Variants in NTRK2 observed in about 807,000 individuals in gnomAD.
NTRK2 encodes neurotrophic receptor tyrosine kinase 2.
A neutral mutation model predicts 94.5 loss-of-function variants in NTRK2; 13 were observed. The observed-to-expected ratio is 0.14, with a 90% confidence interval of 0.09 to 0.22. The LOEUF (loss-of-function observed/expected upper bound fraction) is 0.22. Ranked by LOEUF, NTRK2 falls within the 10% of genes least tolerant of loss-of-function variation. The pLI, the probability that NTRK2 is intolerant of heterozygous loss-of-function variation, is 1.00. For synonymous variants in NTRK2, 372 were observed against 407.4 expected, an observed-to-expected ratio of 0.91 and a Z score of 1.05; for missense variants, 639 against 1,071.2, an observed-to-expected ratio of 0.60 and a Z score of 5.63.
chr9:84,944,940 C>G (rs1256290756), intron 15 of NTRK2, among the ~76,000 whole-genome samples: 1 of 152,212 alleles, frequency 6.6e-6, no homozygotes, highest in Non-Finnish European at 1.5e-5. Flanking sequence ...GTTATCCTCA[C>G]TCTCAAAGAA....
chr9:84,752,475 A>G (rs2064720171), intron 12 of NTRK2, among the ~76,000 whole-genome samples: 1 of 152,206 alleles, frequency 6.6e-6, no homozygotes, highest in South Asian at 2.1e-4. Context: ...TGATTCCCAA[A>G]TCTTCAGTGG....
chr9:84,938,261 T>A (rs1445378161), intron 15 of NTRK2, among the ~76,000 whole-genome samples: 1 of 152,230 alleles, frequency 6.6e-6, no homozygotes, highest in Non-Finnish European at 1.5e-5. Context: ...ATGATGTTTT[T>A]CTCCACCAAG....
intron 17 of NTRK2, among the ~76,000 whole-genome samples, chr9:84,978,928 A>G (rs989005335): frequency 4.6e-5 from 7 of 152,248 alleles, no homozygotes; most frequent in Admixed American, 4.6e-4. Flanking sequence ...ACATCTGTTT[A>G]CACCATGGTT....
chr9:84,872,110 C>T, intron 14 of NTRK2: 1 of 1,312,648 alleles, frequency 7.6e-7, no homozygotes, highest in Non-Finnish European at 9.8e-7. Context: ...AACATCAAGT[C>T]TGGAGTTGGT....
At chr9:84,815,250 C>A in intron 12 of NTRK2, 1 of 1,055,224 alleles carries the variant, frequency 9.5e-7, no homozygotes, top group East Asian at 5.3e-5. Flanking sequence ...TGAGTGAGCA[C>A]CCAGAATGTG....
At chr9:84,702,517 T>G in intron 4 of NTRK2, 98 bp downstream of exon 4, 3 of 1,032,808 alleles carry the variant, frequency 2.9e-6, no homozygotes, top group Non-Finnish European at 4.6e-6. Context: ...AAACCTCCCT[T>G]TTTAAAGTTA....
chr9:84,722,604 G>C (rs1331394465), intron 6 of NTRK2, among the ~76,000 whole-genome samples: 1 of 152,012 alleles, frequency 6.6e-6, no homozygotes, highest in Non-Finnish European at 1.5e-5. Flanking sequence ...CACCAAGAGA[G>C]GGACAGGCTC....
chr9:84,941,891 A>G (rs2078422479), intron 15 of NTRK2, among the ~76,000 whole-genome samples: 1 of 152,254 alleles, frequency 6.6e-6, no homozygotes. Context: ...AGTTTAAAGT[A>G]TGTGAATCAG....
In NTRK2 at chr9:84,910,499, C is replaced by T. The variant is rs1564456206; in HGVS notation, c.1634-23663C>T. 2.6e-5 allele frequency among the ~76,000 whole-genome samples: 4 copies of T among 152,184 alleles called. No homozygotes were observed. In the South Asian group the frequency reaches 6.2e-4, roughly 24 times the overall value. On this transcript the variant is annotated intron_variant, in intron 14 of 18. Transcript: ENST00000277120. ...CTTTCCTGTCCCATCTAAGGATGCT[C>T]GTCATTGGATTTAAGGCCTACTCTA...
At chr9:85,001,893 G>C (rs533884843) in intron 17 of NTRK2, among the ~76,000 whole-genome samples, 1 of 152,198 alleles carries the variant, frequency 6.6e-6, no homozygotes, top group Non-Finnish European at 1.5e-5. Flanking sequence ...TCTGAATAGG[G>C]CAGGGAGGGG....
rs1832814597 is a variant in NTRK2 at position 85,022,120 on chromosome 9, G to C, written c.*683G>C. On this transcript the variant is annotated 3_prime_UTR_variant, in exon 19 of 19. Transcript: ENST00000277120. ...AGATTTATTATGAACCGCAATATGG[G>C]AGGAACAAAGACAACCACTGGGATC... 1 of 233,404 alleles carries C rather than the reference G, an allele frequency of 4.3e-6. No homozygotes were observed. Among genetic ancestry groups the C allele is most frequent in the African/African-American group, 2.2e-5 (1 of 45,478 alleles). 14.5% of individuals were successfully genotyped at this position (233,404 alleles called of 1,614,324 possible).
intron 9 of NTRK2, among the ~76,000 whole-genome samples, chr9:84,739,459 G>T (rs912113028): frequency 6.6e-6 from 1 of 152,186 alleles, no homozygotes; most frequent in Non-Finnish European, 1.5e-5. Context: ...GATGTTCTTG[G>T]ATCTTCCTAG....
chr9:84,683,205 G>T (rs975160693), intron 2 of NTRK2, among the ~76,000 whole-genome samples: 3 of 152,018 alleles, frequency 2.0e-5, no homozygotes, highest in Non-Finnish European at 4.4e-5. Context: ...TTAAGTTCCG[G>T]GATACATGTG....
intron 12 of NTRK2, among the ~76,000 whole-genome samples, chr9:84,754,696 G>A (rs4144551): frequency 0.98 from 149,901 of 152,242 alleles, 73,808 homozygotes; most frequent in Middle Eastern, 1. Context: ...GGCACCATGT[G>A]AAAGGCTTGT....
chr9:84,913,916 C>CT (rs2077318259), intron 14 of NTRK2, among the ~76,000 whole-genome samples: 1 of 151,564 alleles, frequency 6.6e-6, no homozygotes, highest in Non-Finnish European at 1.5e-5. Flanking sequence ...TTCTTTGACT[C>CT]TGATGACATA....
intron 11 of NTRK2, among the ~76,000 whole-genome samples, chr9:84,745,311 T>G (rs948965846): frequency 6.6e-6 from 1 of 152,212 alleles, no homozygotes; most frequent in African/African-American, 2.4e-5. Context: ...CTATTTCAAT[T>G]ATCTGTGCTT....
At chr9:85,020,940 C>T (rs1225619887) in intron 18 of NTRK2, among the ~76,000 whole-genome samples, 1 of 152,170 alleles carries the variant, frequency 6.6e-6, no homozygotes, top group African/African-American at 2.4e-5. Context: ...CCAGGTGACT[C>T]AGGTTCCATC....
chr9:84,997,129 T>A (rs924755654), intron 17 of NTRK2, among the ~76,000 whole-genome samples: 2 of 152,102 alleles, frequency 1.3e-5, no homozygotes, highest in Non-Finnish European at 2.9e-5. Context: ...AGCTCCTGAG[T>A]TGCTGTTGAT....
intron 17 of NTRK2, among the ~76,000 whole-genome samples, chr9:85,003,326 C>T (rs535211230): frequency 3.9e-5 from 6 of 152,266 alleles, no homozygotes; most frequent in South Asian, 2.1e-4. Context: ...CTGTTTATAC[C>T]GCTGCTCAGC....
Sources: gnomAD v4.1 joint callset for allele counts (sites outside exome capture counted in the v4.1 genomes callset) on GRCh38, gnomAD v4.1.1 for gene constraint, MANE v1.5 for transcripts, NCBI Gene and HGNC (gene_info 2026-07-23, HGNC 2026-07-21) for gene names.